ERMP1: variants seen among roughly 807,000 people sequenced by gnomAD.
The protein encoded by ERMP1 is Felix-ina.
Under a neutral mutation model 92.0 loss-of-function variants are expected in ERMP1, and 86 were observed. The ratio of observed to expected loss-of-function variants is 0.93; its 90% CI spans 0.79 to 1.12. ERMP1 has a LOEUF of 1.12. Ranked by LOEUF, ERMP1 falls within the 50% of genes most tolerant of loss-of-function variation. ERMP1 has a pLI of 0.00. For missense variants in ERMP1, 1,342 were observed against 1,116.3 expected, an observed-to-expected ratio of 1.20 and a Z score of -2.88; for synonymous variants, 530 against 412.8, an observed-to-expected ratio of 1.28 and a Z score of -3.44.
intron 8 of ERMP1, among the ~76,000 whole-genome samples, chr9:5,807,442 C>T (rs1374720287): frequency 6.6e-6 from 1 of 152,142 alleles, no homozygotes; most frequent in African/African-American, 2.4e-5. Flanking sequence ...TATTTTAACA[C>T]ATGCTTCAAA....
At chr9:5,865,833 G>T (rs1830641696) in intron 5 of ERMP1, among the ~76,000 whole-genome samples, 1 of 76,194 alleles carries the variant, frequency 1.3e-5, no homozygotes, top group African/African-American at 4.8e-5. Context: ...GTGAGGCTCT[G>T]TCTCAAAAAA....
chr9:5,790,523 T>G (rs572298203), intron 13 of ERMP1, among the ~76,000 whole-genome samples: 2 of 152,156 alleles, frequency 1.3e-5, no homozygotes, highest in East Asian at 3.9e-4. Flanking sequence ...CCAAACCCAA[T>G]CACATACTGT....
intron 8 of ERMP1, among the ~76,000 whole-genome samples, chr9:5,807,915 C>T (rs1375028739): frequency 6.6e-6 from 1 of 152,230 alleles, no homozygotes; most frequent in Admixed American, 6.5e-5. Flanking sequence ...CCCACACCTT[C>T]CCAAACGAAA....
At position 5,816,286 on chromosome 9, in the gene ERMP1, G is replaced by C. The variant is rs76073504; in HGVS notation, c.875-3251C>G. ...AAAAATCTGAATATGCATTATTATA[G>C]TTTAATATTAATATTTCTTGAGTGT... On this transcript the variant is annotated intron_variant, in intron 4 of 14. Transcript: ENST00000339450. Among the ~76,000 whole-genome samples, 40 of 152,264 alleles carry C rather than the reference G, an allele frequency of 2.6e-4. 2 individuals are homozygous for C. The East Asian group carries it at 6.9e-3, about 26-fold the overall frequency.
intron 5 of ERMP1, among the ~76,000 whole-genome samples, chr9:5,864,051 A>T (rs946047281): frequency 3.9e-5 from 6 of 152,218 alleles, no homozygotes; most frequent in African/African-American, 7.2e-5. Flanking sequence ...TGCCCATTTT[A>T]AAAAAGCTTA....
At chr9:5,804,053 T>C (rs1828776484) in intron 10 of ERMP1, among the ~76,000 whole-genome samples, 1 of 152,068 alleles carries the variant, frequency 6.6e-6, no homozygotes, top group South Asian at 2.1e-4. Context: ...GAACCTAACT[T>C]CCACAAAGTA....
intron 4 of ERMP1, among the ~76,000 whole-genome samples, chr9:5,818,485 G>A (rs1829406205): frequency 6.6e-6 from 1 of 152,182 alleles, no homozygotes; most frequent in Admixed American, 6.5e-5. Flanking sequence ...GGAGGCCAAG[G>A]AAGGAAGACT....
chr9:5,822,975 TA>T (rs1328806782), intron 4 of ERMP1, among the ~76,000 whole-genome samples: 1 of 152,204 alleles, frequency 6.6e-6, no homozygotes, highest in East Asian at 1.9e-4. Flanking sequence ...TAGAAAAGTT[TA>T]ATCATAAAAC....
chr9:5,843,299 G>A lies in ERMP1; in HGVS notation n.3200-9987C>T, dbSNP rs116370923. 4.1e-3 allele frequency among the ~76,000 whole-genome samples: 624 copies of A among 152,290 alleles called. 6 individuals are homozygous for A. The highest frequency in any genetic ancestry group is 0.015 in the African/African-American group (609 of 41,546). On this transcript the variant is annotated intron_variant and non_coding_transcript_variant, in intron 6 of 6. Transcript: ENST00000690753. ...TCTGCTATTTTTTCAAGAAATGACA[G>A]AAACTCAGATATTTATGTGAAACCT...
intron 4 of ERMP1, among the ~76,000 whole-genome samples, chr9:5,816,443 T>A (rs1026827293): frequency 3.3e-5 from 5 of 152,222 alleles, no homozygotes; most frequent in African/African-American, 1.2e-4. Flanking sequence ...TCAAATATTA[T>A]ACCATCCTGT....
chr9:5,856,345 C>A, intron 6 of ERMP1: 1 of 212,196 alleles, frequency 4.7e-6, no homozygotes, highest in South Asian at 7.6e-5. Context: ...AAGAAATGGC[C>A]ATTGGAGAGA....
chr9:5,823,616 T>G (rs917778005), intron 4 of ERMP1, among the ~76,000 whole-genome samples: 5 of 152,208 alleles, frequency 3.3e-5, no homozygotes, highest in African/African-American at 1.2e-4. Context: ...AAAATGGAAG[T>G]AACAGTACTT....
rs1233562358 is a variant in ERMP1, at chr9:5,787,577, G to T, written c.2403C>A (p.Ser801=). Residue 801 remains serine (S), a synonymous_variant, in exon 14 of 15, where the codon TCC becomes TCA. Coordinates refer to ENST00000339450, the MANE Select transcript of ERMP1 (RefSeq NM_024896.3). ...ACCCTTTGTGGGCTCGAACATAGAA[G>T]GACATATGGCTTGGTCCTGTAAGGT... The part of the protein sequence containing the change: ...TFEATGPSHM[S]FYVRAHKGST... 1.2e-6 allele frequency: 2 copies of T among 1,612,974 alleles called. No homozygotes were observed. Among genetic ancestry groups the T allele is most frequent in the Middle Eastern group, 1.7e-4 (1 of 6,046 alleles).
rs907366984 is a variant in ERMP1, at chr9:5,811,290, G to C, written c.1148C>G (p.Ala383Gly). The C allele has an allele frequency of 5.6e-6, 9 of 1,613,320 alleles. No individual in the cohort carries two copies. The highest frequency in any genetic ancestry group is 7.6e-6 in the Non-Finnish European group (9 of 1,179,802). ...AGCAGCAGCCAGCATATCAGATGTA[G>C]CTAGATGCTTAAGAACTGCTAAAAT... ...DNILAVLKHL[A>G]TSDMLAAASK... The change falls in exon 7 of 15, where the codon GCT becomes GGT. Residue 383 changes from alanine to glycine, a missense_variant. Ala to Gly is a moderately conservative substitution (Grantham distance 60). Coordinates refer to ENST00000339450, the MANE Select transcript of ERMP1 (RefSeq NM_024896.3).
At chr9:5,807,624 T>A (rs1828917532) in intron 8 of ERMP1, among the ~76,000 whole-genome samples, 1 of 152,048 alleles carries the variant, frequency 6.6e-6, no homozygotes, top group Non-Finnish European at 1.5e-5. Flanking sequence ...CACACATCTG[T>A]AGTCCCAGGT....
Position 5,795,138 on chromosome 9 carries a change from G to T in ERMP1, c.2386+2679C>A, listed in dbSNP as rs1467131763. Among the ~76,000 whole-genome samples, 4 of 152,068 alleles carry T rather than the reference G, an allele frequency of 2.6e-5. No individual in the cohort carries two copies. The South Asian group carries it at 8.3e-4, about 32-fold the overall frequency. ...TCTATTACATCAAAAGGCTAAGAAA[G>T]AAAAATCACATGCCCATATCAATAT... is the stretch of plus-strand genomic sequence containing the variant. On this transcript the variant is annotated intron_variant, in intron 13 of 14. Coordinates refer to ENST00000339450, the MANE Select transcript of ERMP1 (RefSeq NM_024896.3).
Position 5,820,286 on chromosome 9 carries a change from G to A in ERMP1, c.874+3610C>T, listed in dbSNP as rs982016265. 4.6e-5 allele frequency among the ~76,000 whole-genome samples: 7 copies of A among 152,252 alleles called. No individual in the cohort carries two copies. The South Asian group carries it at 6.2e-4, about 14-fold the overall frequency. On this transcript the variant is annotated intron_variant, in intron 4 of 14. Coordinates refer to ENST00000339450, the MANE Select transcript of ERMP1 (RefSeq NM_024896.3). The stretch of plus-strand genomic sequence containing the variant: ...TGCACTCCACTCTAAGCGACAGAGC[G>A]AGACTCCACCTCAAAAAGAAAAGGT...
chr9:5,820,637 G>T lies in ERMP1; in HGVS notation c.874+3259C>A, dbSNP rs74841880. 8.5e-4 allele frequency among the ~76,000 whole-genome samples: 129 copies of T among 152,298 alleles called. 1 individual carries two copies. In the East Asian group the frequency reaches 0.024, roughly 28 times the overall value. ...TCTAGTCACTAAAAACTCCCCAAAT[G>T]AATGTCGCTCTCAGAAGTGACAAGG... is the stretch of plus-strand genomic sequence containing the variant. On this transcript the variant is annotated intron_variant, in intron 4 of 14. Coordinates refer to ENST00000339450, the MANE Select transcript of ERMP1 (RefSeq NM_024896.3).
chr9:5,818,940 G>A (rs1829423811), intron 4 of ERMP1, among the ~76,000 whole-genome samples: 1 of 152,106 alleles, frequency 6.6e-6, no homozygotes, highest in Non-Finnish European at 1.5e-5. Flanking sequence ...ACTTTTTGCT[G>A]ATCAAGTATT....
Sources: allele counts gnomAD v4.1 joint callset (sites outside exome capture counted in the v4.1 genomes callset), GRCh38; gene constraint gnomAD v4.1.1; transcripts MANE v1.5; gene names NCBI Gene and HGNC (gene_info 2026-07-23, HGNC 2026-07-21).